PRUNE2: variants seen among roughly 807,000 people sequenced by gnomAD.
The protein encoded by PRUNE2 is protein prune homolog 2.
PRUNE2 carries 164 observed loss-of-function variants against 252.0 expected under a neutral mutation model. The ratio of observed to expected loss-of-function variants is 0.65; its 90% CI spans 0.57 to 0.74. The LOEUF (loss-of-function observed/expected upper bound fraction) is 0.74, where lower values mean the gene tolerates loss of function less well. Ranked by LOEUF, PRUNE2 falls within the 30% of genes least tolerant of loss-of-function variation. PRUNE2 has a pLI of 0.00. For missense variants in PRUNE2, 3,495 were observed against 3,711.0 expected (o/e 0.94, Z 1.51); for synonymous variants, 1,292 against 1,350.2 (o/e 0.96, Z 0.94).
At chr9:76,881,659 T>C (rs2133299655) in intron 1 of PRUNE2, among the ~76,000 whole-genome samples, 1 of 151,828 alleles carries the variant, frequency 6.6e-6, no homozygotes, top group East Asian at 1.9e-4. Flanking sequence ...TCTCACTCTG[T>C]CACCCAGGCT....
At chr9:76,819,279 A>G (rs2057889612) in intron 6 of PRUNE2, 2 of 152,132 alleles carry the variant, frequency 1.3e-5, no homozygotes, top group Admixed American at 1.3e-4. Flanking sequence ...CTAAGATAAG[A>G]TTACTAGATG....
At chr9:76,904,892 G>A (rs1365225340) in intron 1 of PRUNE2, among the ~76,000 whole-genome samples, 1 of 152,102 alleles carries the variant, frequency 6.6e-6, no homozygotes, top group African/African-American at 2.4e-5. Context: ...GTTGTGCGAG[G>A]GTAAATGAGT....
chr9:76,703,266 C>T, intron 9 of PRUNE2, 71 bp downstream of exon 9: 1 of 1,394,006 alleles, frequency 7.2e-7, no homozygotes, highest in African/African-American at 1.4e-5. Flanking sequence ...ATTCCATAAC[C>T]TCTAACCATT....
intron 6 of PRUNE2, among the ~76,000 whole-genome samples, chr9:76,763,027 T>G (rs1333387690): frequency 1.3e-5 from 2 of 152,208 alleles, no homozygotes; most frequent in Non-Finnish European, 2.9e-5. Flanking sequence ...ACCGCAAACC[T>G]GCACTCCTCC....
At chr9:76,790,060 A>G (rs755346515) in intron 6 of PRUNE2, among the ~76,000 whole-genome samples, 1 of 152,200 alleles carries the variant, frequency 6.6e-6, no homozygotes, top group Non-Finnish European at 1.5e-5. Flanking sequence ...AGATGGGCCA[A>G]TAAAATGCAG....
chr9:76,784,143 T>C (rs2054726297), intron 6 of PRUNE2: 1 of 152,232 alleles, frequency 6.6e-6, no homozygotes, highest in Non-Finnish European at 1.5e-5. Flanking sequence ...CCGGCCGCCA[T>C]CTTGGGTCAT....
rs1827766803 is a variant in PRUNE2 at position 76,612,547 on chromosome 9, G to A, written c.*2023C>T. 1 of 152,152 alleles carries A rather than the reference G, an allele frequency of 6.6e-6. No individual in the cohort carries two copies. The highest frequency in any genetic ancestry group is 2.4e-5 in the African/African-American group (1 of 41,416). The allele number at this position is 152,152 out of a possible 1,614,324, so 9.4% of individuals were successfully genotyped here. ...ACGTCAACACTGTGTTCTGGGAGAG[G>A]TGTAATTTGGGCTTTCAAAAGTGGA... On this transcript the variant is annotated 3_prime_UTR_variant, in exon 19 of 19. Coordinates refer to ENST00000376718, the MANE Select transcript of PRUNE2 (RefSeq NM_015225.3).
chr9:76,820,308 A>G (rs1418541424), intron 6 of PRUNE2, among the ~76,000 whole-genome samples: 1 of 152,198 alleles, frequency 6.6e-6, no homozygotes, highest in Non-Finnish European at 1.5e-5. Context: ...TAACTTATAT[A>G]ACAATGAATA....
intron 1 of PRUNE2, among the ~76,000 whole-genome samples, chr9:76,901,076 G>A (rs1368841201): frequency 6.6e-6 from 1 of 152,116 alleles, no homozygotes; most frequent in African/African-American, 2.4e-5. Flanking sequence ...ATCACAGGGA[G>A]CACCTCTCTT....
At chr9:76,624,808 C>G (rs978745012) in intron 16 of PRUNE2, among the ~76,000 whole-genome samples, 1 of 152,144 alleles carries the variant, frequency 6.6e-6, no homozygotes, top group Non-Finnish European at 1.5e-5. Flanking sequence ...TAGCTTGCAG[C>G]CTGGGCCAAG....
intron 1 of PRUNE2, chr9:76,862,373 C>G (rs1452403247): frequency 6.6e-6 from 1 of 152,248 alleles, no homozygotes; most frequent in Non-Finnish European, 1.5e-5. Flanking sequence ...AAAGAGAGAG[C>G]TGCAGTCTTT....
chr9:76,878,650 T>C (rs1320620046), intron 1 of PRUNE2, among the ~76,000 whole-genome samples: 1 of 152,200 alleles, frequency 6.6e-6, no homozygotes, highest in East Asian at 1.9e-4. Context: ...GGACAAGGTA[T>C]TCATTCTCCT....
chr9:76,624,889 C>G (rs1452070541), intron 16 of PRUNE2: 5 of 498,530 alleles, frequency 1.0e-5, no homozygotes, highest in Non-Finnish European at 1.8e-5. Flanking sequence ...ACACACAGGA[C>G]AAAGACTGAA....
At chr9:76,694,814 A>G (rs967900754) in intron 9 of PRUNE2, among the ~76,000 whole-genome samples, 1 of 152,134 alleles carries the variant, frequency 6.6e-6, no homozygotes, top group Non-Finnish European at 1.5e-5. Context: ...ATAGCATTCT[A>G]TTATGTTGAA....
intron 1 of PRUNE2, among the ~76,000 whole-genome samples, chr9:76,874,056 G>C (rs949526994): frequency 1.3e-5 from 2 of 152,106 alleles, no homozygotes; most frequent in South Asian, 4.1e-4. Context: ...ATGTAATACT[G>C]AATCATTAGT....
intron 1 of PRUNE2, among the ~76,000 whole-genome samples, chr9:76,894,087 T>G (rs1343078240): frequency 6.6e-6 from 1 of 152,144 alleles, no homozygotes; most frequent in Non-Finnish European, 1.5e-5. Context: ...GCCCACCATC[T>G]AAAGAGAAAA....
chr9:76,861,515 G>A (rs1337200347), intron 1 of PRUNE2, among the ~76,000 whole-genome samples: 2 of 152,180 alleles, frequency 1.3e-5, no homozygotes. Context: ...AGGCCATTGT[G>A]GGTAGGCGAT....
chr9:76,709,215 C>A lies in PRUNE2; in HGVS notation c.3059G>T (p.Arg1020Leu). ...IPPQSLQQSS[R>L]NRISSGPGNL... ...CCCAGGACCTGAACTGATTCGATTT[C>A]GAGATGACTGTTGCAGTGACTGAGG... The change falls in exon 8 of 19, where the codon CGA (arginine) becomes CTA (leucine). Residue 1020 changes from arginine (R) to leucine (L), a missense_variant. By Grantham distance (102) the Arg-to-Leu change is moderately radical. Transcript: ENST00000376718. The A allele has an allele frequency of 6.5e-6, 5 of 765,438 alleles. No individual in the cohort carries two copies. The highest frequency in any genetic ancestry group is 9.8e-6 in the Non-Finnish European group (5 of 511,424). The allele number at this position is 765,438 out of a possible 1,614,324, so 47.4% of individuals were successfully genotyped here.
At chr9:76,746,595 C>T (rs2050129064) in intron 6 of PRUNE2, among the ~76,000 whole-genome samples, 2 of 151,234 alleles carry the variant, frequency 1.3e-5, no homozygotes, top group Non-Finnish European at 2.9e-5. Flanking sequence ...GTCCCAGCTA[C>T]TGGGGAGGCT....
Sources: allele counts gnomAD v4.1 joint callset (sites outside exome capture counted in the v4.1 genomes callset), GRCh38; gene constraint gnomAD v4.1.1; transcripts MANE v1.5; gene names NCBI Gene and HGNC (gene_info 2026-07-23, HGNC 2026-07-21).